The following HEATR4 variants were observed in gnomAD, a reference collection of about 807,000 sequenced individuals.
HEATR4 encodes the protein HEAT repeat containing 4.
HEATR4 carries 95 observed loss-of-function variants against 108.8 expected under a neutral mutation model. That is an observed-to-expected ratio of 0.87 (90% CI 0.74 to 1.04). HEATR4 has a LOEUF of 1.04. Among genes scored for constraint, HEATR4 ranks in the 50% least tolerant of loss-of-function variants. The pLI is 0.00. For missense variants in HEATR4, 1,152 were observed against 1,253.8 expected (o/e 0.92, Z 1.23); for synonymous variants, 443 against 459.4 (o/e 0.96, Z 0.46).
rs1371026723 is a variant in HEATR4 at position 73,532,068 on chromosome 14, C to T, written c.-151-1824G>A. On this transcript the variant is annotated intron_variant, in intron 1 of 17. Coordinates refer to ENST00000553558, the MANE Select transcript of HEATR4 (RefSeq NM_001220484.1). ...AATAAAAAAACCCTCTAGATGTATG[C>T]GGCTCCATATTCTCCCACCACAAGG... Among the ~76,000 whole-genome samples, 9 of 114,582 alleles carry T rather than the reference C, an allele frequency of 7.9e-5. 1 individual carries two copies. The highest frequency in any genetic ancestry group is 1.4e-4 in the African/African-American group (5 of 35,202). The allele number at this position is 114,582 out of a possible 152,430, so 75.2% of individuals were successfully genotyped here.
At position 73,478,739 on chromosome 14, in the gene HEATR4, G is replaced by A. The variant is rs920763139; in HGVS notation, c.2948C>T (p.Ser983Phe). ...TCCCACAGCAATCCTTTTCTCGGGG[G>A]AGGTGCGTAGATCTTTGACAAGTGA... ...RSSLVKDLRT[S>F]PEKRIAVGPF... Residue 983 changes from serine (S) to phenylalanine (F), a missense_variant, in exon 18 of 18, where the codon TCC becomes TTC. By Grantham distance (155) the Ser-to-Phe change is radical. Coordinates refer to ENST00000553558, the MANE Select transcript of HEATR4 (RefSeq NM_001220484.1). The A allele has an allele frequency of 6.2e-7, 1 of 1,614,106 alleles. No homozygotes were observed. Among genetic ancestry groups the A allele is most frequent in the Non-Finnish European group, 8.5e-7 (1 of 1,180,022 alleles).
At chr14:73,605,556 C>CTTTTTTTTTTTTTTTTTT in the HEATR4 span, among the ~76,000 whole-genome samples, 2 of 56,884 alleles carry the variant, frequency 3.5e-5, no homozygotes, top group Admixed American at 2.9e-4. Flanking sequence ...CTGTAAGATT[C>CTTTTTTTTTTTTTTTTTT]TTTTTTTTTT....
chr14:73,569,802 G>T, the HEATR4 span: 3 of 1,602,856 alleles, frequency 1.9e-6, no homozygotes, highest in African/African-American at 1.3e-5. Flanking sequence ...GACGCGGCAC[G>T]AGCGCTACTT....
intron 17 of HEATR4, among the ~76,000 whole-genome samples, chr14:73,487,193 A>AAG (rs1476191966): frequency 1.3e-5 from 2 of 149,036 alleles, no homozygotes; most frequent in Non-Finnish European, 3.0e-5. Context: ...ACAAAAAAAA[A>AAG]AAGAAGAGAA....
chr14:73,533,058 G>C lies in HEATR4; in HGVS notation c.-151-2814C>G, dbSNP rs1209953550. 1.7e-5 allele frequency among the ~76,000 whole-genome samples: 2 copies of C among 115,420 alleles called. 1 individual carries two copies. Among genetic ancestry groups the C allele is most frequent in the Non-Finnish European group, 3.8e-5 (2 of 52,944 alleles). The allele number at this position is 115,420 out of a possible 152,430, so 75.7% of individuals were successfully genotyped here. On this transcript the variant is annotated intron_variant, in intron 1 of 17. Coordinates refer to ENST00000553558, the MANE Select transcript of HEATR4 (RefSeq NM_001220484.1). ...GAGGATCCTTTGAGCCCAGGAGTTT[G>C]AGGCTGCAGTGAGCTATGATGGCAC... is the stretch of plus-strand genomic sequence containing the variant.
Position 73,512,029 on chromosome 14 carries a change from A to G in HEATR4, c.1535T>C (p.Ile512Thr), listed in dbSNP as rs1414514267. 10 of 1,613,878 alleles carry G rather than the reference A, an allele frequency of 6.2e-6. No individual in the cohort carries two copies. The highest frequency in any genetic ancestry group is 7.6e-6 in the Non-Finnish European group (9 of 1,179,948). The change falls in exon 7 of 18, where the codon ATT (isoleucine) becomes ACT (threonine). Residue 512 changes from isoleucine to threonine, a missense_variant. Ile to Thr is a moderately conservative substitution (Grantham distance 89, BLOSUM62 -1). Coordinates refer to ENST00000553558, the MANE Select transcript of HEATR4 (RefSeq NM_001220484.1). ...CATAALERPR[I>T]ATSQRDSDKT... is the part of the protein sequence containing the mutation. Reference sequence around the variant, plus strand: ...ACCTGAGTCTCTCTGGCTGGTGGCAATCCGGGGCCGTTCCAAAGCAGCTGT... The same window carrying G: ...ACCTGAGTCTCTCTGGCTGGTGGCAGTCCGGGGCCGTTCCAAAGCAGCTGT...
rs1445078550 is a variant in HEATR4 at position 73,509,446 on chromosome 14, A to G, written c.1586T>C (p.Val529Ala). ...AGCAGCCTCTAGGGCAGGCAGTAGA[A>G]CCTCCGGCAAGTCCTGGATGGTCTT... Reference protein sequence around the residue: ...SDKTIQDLPEVLLPALEAALC... With the variant: ...SDKTIQDLPEALLPALEAALC... The change falls in exon 8 of 18, where the codon GTT becomes GCT. Residue 529 changes from valine (V) to alanine (A), a missense_variant. By Grantham distance (64) the Val-to-Ala change is moderately conservative. Coordinates refer to ENST00000553558, the MANE Select transcript of HEATR4 (RefSeq NM_001220484.1). 5 of 1,613,726 alleles carry G rather than the reference A, an allele frequency of 3.1e-6. No individual in the cohort carries two copies. The highest frequency in any genetic ancestry group is 4.2e-6 in the Non-Finnish European group (5 of 1,179,982).
At chr14:73,622,200 G>A in the HEATR4 span, among the ~76,000 whole-genome samples, 1 of 152,086 alleles carries the variant, frequency 6.6e-6, no homozygotes, top group African/African-American at 2.4e-5. Flanking sequence ...CAGGGAGGAT[G>A]AGAAAGCAAA....
At position 73,551,212 on chromosome 14, in the gene HEATR4, C is replaced by T. The variant is rs2140319537; in HGVS notation, c.-152+7539G>A. On this transcript the variant is annotated intron_variant, in intron 1 of 17. Transcript: ENST00000553558. The stretch of plus-strand genomic sequence containing the variant: ...TTCCACCTCCTGAAAATTTAATCCC[C>T]TTTACCCCAACTAGTCAATGAGCCC... Among the ~76,000 whole-genome samples, 2 of 114,252 alleles carry T rather than the reference C, an allele frequency of 1.8e-5. 1 individual carries two copies. The highest frequency in any genetic ancestry group is 5.6e-4 in the South Asian group (2 of 3,592). The allele number at this position is 114,252 out of a possible 152,430, so 75.0% of individuals were successfully genotyped here.
intron 2 of HEATR4, among the ~76,000 whole-genome samples, chr14:73,525,052 G>A (rs1888244503): frequency 1.3e-5 from 2 of 151,978 alleles, no homozygotes; most frequent in African/African-American, 4.8e-5. Flanking sequence ...TTTGAGACAG[G>A]GTCTTGTTCT....
At chr14:73,498,455 C>T in intron 13 of HEATR4, 111 bp from the exon 14 acceptor site, 1 of 940,220 alleles carries the variant, frequency 1.1e-6, no homozygotes. Flanking sequence ...ATGGTAATCA[C>T]CATTAGAATT....
chr14:73,619,460 G>C, the HEATR4 span: 17 of 1,614,046 alleles, frequency 1.1e-5, no homozygotes, highest in African/African-American at 1.3e-5. Context: ...ATGGACACTT[G>C]GAGCAATCCA....
chr14:73,586,951 C>G, the HEATR4 span, among the ~76,000 whole-genome samples: 1 of 152,068 alleles, frequency 6.6e-6, no homozygotes, highest in Non-Finnish European at 1.5e-5. Context: ...GCAGTCTTCC[C>G]ACCTGGGTCT....
At chr14:73,514,291 C>T (rs977801852) in intron 5 of HEATR4, 57 bp from the exon 6 acceptor site, 49 of 1,483,858 alleles carry the variant, frequency 3.3e-5, no homozygotes, top group Non-Finnish European at 4.0e-5. Context: ...CCCTGCCACA[C>T]AGTGGCCCCA....
At chr14:73,608,854 A>G in the HEATR4 span, among the ~76,000 whole-genome samples, 2 of 152,214 alleles carry the variant, frequency 1.3e-5, no homozygotes, top group Non-Finnish European at 2.9e-5. Flanking sequence ...ACTTACAATC[A>G]TGGCAGAAGG....
At chr14:73,503,603 C>G (rs1402578589) in intron 10 of HEATR4, among the ~76,000 whole-genome samples, 9 of 152,102 alleles carry the variant, frequency 5.9e-5, no homozygotes, top group Non-Finnish European at 1.2e-4. Context: ...TAGGATTTAC[C>G]TCAAAAGCAT....
At chr14:73,512,270 G>T in intron 6 of HEATR4, 121 bp from the exon 7 acceptor site, 1 of 1,082,158 alleles carries the variant, frequency 9.2e-7, no homozygotes, top group Non-Finnish European at 1.3e-6. Flanking sequence ...CATTAGCTCA[G>T]AAGAATAAAG....
the HEATR4 span, among the ~76,000 whole-genome samples, chr14:73,579,090 A>AG: frequency 7.1e-6 from 1 of 141,062 alleles, no homozygotes; most frequent in South Asian, 2.2e-4. Context: ...CTCAAAAAAA[A>AG]GAAAAAAAAA....
At chr14:73,558,313 CCA>C (rs1251083148) in intron 1 of HEATR4, among the ~76,000 whole-genome samples, 1 of 141,772 alleles carries the variant, frequency 7.1e-6, no homozygotes, top group African/African-American at 2.6e-5. Flanking sequence ...ACAGCTATCT[CCA>C]GAGATTACTC....
Sources: allele counts gnomAD v4.1 joint callset (sites outside exome capture counted in the v4.1 genomes callset), GRCh38; gene constraint gnomAD v4.1.1; transcripts MANE v1.5; gene names NCBI Gene and HGNC (gene_info 2026-07-23, HGNC 2026-07-21).